Variants in PRKG1 observed in about 807,000 individuals in gnomAD.
PRKG1 encodes protein kinase cGMP-dependent 1.
A neutral mutation model predicts 88.1 loss-of-function variants in PRKG1; 35 were observed. The ratio of observed to expected loss-of-function variants is 0.40; its 90% CI spans 0.30 to 0.53. The LOEUF is 0.53. Among genes scored for constraint, PRKG1 ranks in the 20% least tolerant of loss-of-function variants. The pLI, the probability that PRKG1 is intolerant of heterozygous loss-of-function variation, is 0.59. For missense variants in PRKG1, 540 were observed against 839.8 expected (o/e 0.64, Z 4.41); for synonymous variants, 303 against 292.5 (o/e 1.04, Z -0.37).
Position 51,082,509 on chromosome 10 carries a change from T to C in PRKG1, c.311+7608T>C, listed in dbSNP as rs567381852. ...GGTGTTGGAAGCTACATATCAGTAA[T>C]TTTTGATGATTCTCCATGTAACTTT... On this transcript the variant is annotated intron_variant, in intron 1 of 17. Coordinates refer to ENST00000373980, the MANE Select transcript of PRKG1 (RefSeq NM_006258.4). Among the ~76,000 whole-genome samples, 14 of 152,318 alleles carry C rather than the reference T, an allele frequency of 9.2e-5. No homozygotes were observed. The East Asian group carries it at 2.5e-3, about 27-fold the overall frequency.
chr10:51,297,978 T>TA (rs1840766516), intron 2 of PRKG1, among the ~76,000 whole-genome samples: 1 of 152,118 alleles, frequency 6.6e-6, no homozygotes. Context: ...TATATTTATA[T>TA]AAAGAGATGT....
At chr10:51,607,090 C>T (rs980273835) in intron 3 of PRKG1, among the ~76,000 whole-genome samples, 3 of 152,158 alleles carry the variant, frequency 2.0e-5, no homozygotes, top group Admixed American at 1.3e-4. Flanking sequence ...GATCTGAAAC[C>T]AATTTTGCCA....
At chr10:52,061,853 G>C (rs1420856384) in intron 6 of PRKG1, among the ~76,000 whole-genome samples, 1 of 152,096 alleles carries the variant, frequency 6.6e-6, no homozygotes, top group African/African-American at 2.4e-5. Context: ...AAAATGAGAT[G>C]TGTCTTCAAA....
intron 2 of PRKG1, among the ~76,000 whole-genome samples, chr10:51,335,948 A>T (rs1381760363): frequency 6.6e-6 from 1 of 152,216 alleles, no homozygotes; most frequent in African/African-American, 2.4e-5. Context: ...TACAGAAATC[A>T]TGGTTATAAA....
chr10:51,431,304 C>T (rs1838764393), intron 2 of PRKG1, among the ~76,000 whole-genome samples: 1 of 152,160 alleles, frequency 6.6e-6, no homozygotes, highest in Admixed American at 6.5e-5. Context: ...GAAAGAGGCA[C>T]ACCACACCAT....
At chr10:52,130,545 G>T (rs1412101782) in intron 7 of PRKG1, among the ~76,000 whole-genome samples, 1 of 152,068 alleles carries the variant, frequency 6.6e-6, no homozygotes, top group Non-Finnish European at 1.5e-5. Flanking sequence ...TAGTCAAATG[G>T]AAATATATTT....
chr10:51,155,395 C>A (rs1044322273), intron 2 of PRKG1, among the ~76,000 whole-genome samples: 5 of 151,946 alleles, frequency 3.3e-5, no homozygotes, highest in African/African-American at 2.4e-5. Context: ...TTTATTTAAA[C>A]CTCAAACAAT....
At chr10:51,706,454 T>C (rs1841605990) in intron 3 of PRKG1, among the ~76,000 whole-genome samples, 1 of 152,166 alleles carries the variant, frequency 6.6e-6, no homozygotes, top group Non-Finnish European at 1.5e-5. Flanking sequence ...CTGCCATTTC[T>C]GGACTTGAGG....
intron 2 of PRKG1, among the ~76,000 whole-genome samples, chr10:51,215,558 G>A (rs1838350310): frequency 6.6e-6 from 1 of 152,140 alleles, no homozygotes; most frequent in Non-Finnish European, 1.5e-5. Context: ...TTTTTGCAGG[G>A]GGCATGGAGG....
chr10:51,523,290 C>T (rs1466631068), intron 3 of PRKG1, among the ~76,000 whole-genome samples: 1 of 152,176 alleles, frequency 6.6e-6, no homozygotes, highest in Non-Finnish European at 1.5e-5. Flanking sequence ...ACCTCAATCT[C>T]TGTGAGTCCA....
chr10:51,932,673 G>A (rs868611624), intron 5 of PRKG1, among the ~76,000 whole-genome samples: 3 of 152,154 alleles, frequency 2.0e-5, no homozygotes, highest in African/African-American at 4.8e-5. Flanking sequence ...ACTGTGACAG[G>A]ACATTTGGCC....
At chr10:51,219,480 C>T (rs900111164) in intron 2 of PRKG1, among the ~76,000 whole-genome samples, 4 of 151,822 alleles carry the variant, frequency 2.6e-5, no homozygotes, top group Non-Finnish European at 5.9e-5. Flanking sequence ...GAGGCTGTGG[C>T]GGGTGGATCA....
chr10:51,266,978 G>A (rs1039479125), intron 2 of PRKG1, among the ~76,000 whole-genome samples: 6 of 152,048 alleles, frequency 3.9e-5, no homozygotes, highest in Admixed American at 1.3e-4. Context: ...TCTTAGGAGC[G>A]ACATTTAAAT....
At chr10:52,018,733 A>G (rs771515311) in intron 5 of PRKG1, among the ~76,000 whole-genome samples, 1 of 152,212 alleles carries the variant, frequency 6.6e-6, no homozygotes, top group Non-Finnish European at 1.5e-5. Context: ...AGAGGACTTT[A>G]ATTCAAGACC....
intron 1 of PRKG1, among the ~76,000 whole-genome samples, chr10:51,096,901 A>G (rs972591592): frequency 2.0e-5 from 3 of 152,178 alleles, no homozygotes; most frequent in Non-Finnish European, 4.4e-5. Flanking sequence ...GATGCCAGGG[A>G]TGCTGCTATG....
intron 1 of PRKG1, among the ~76,000 whole-genome samples, chr10:51,049,988 GT>G (rs1843541515): frequency 6.6e-6 from 1 of 152,056 alleles, no homozygotes; most frequent in Non-Finnish European, 1.5e-5. Flanking sequence ...GGAAACTCCA[GT>G]TTCCTTGCTT....
intron 7 of PRKG1, among the ~76,000 whole-genome samples, chr10:52,131,503 A>G (rs1312795809): frequency 6.6e-6 from 1 of 151,982 alleles, no homozygotes; most frequent in Non-Finnish European, 1.5e-5. Context: ...TCCTAGGCCT[A>G]TGGAAAGCAT....
chr10:51,327,108 G>T (rs533677163), intron 2 of PRKG1, among the ~76,000 whole-genome samples: 1 of 152,174 alleles, frequency 6.6e-6, no homozygotes, highest in South Asian at 2.1e-4. Flanking sequence ...GTGGTTAATT[G>T]TCAGGTTAAA....
chr10:51,154,113 C>T (rs1417206779), intron 2 of PRKG1, among the ~76,000 whole-genome samples: 2 of 151,836 alleles, frequency 1.3e-5, no homozygotes, highest in East Asian at 3.9e-4. Flanking sequence ...ATGTTTTATC[C>T]AAAACATTTG....
Sources: gnomAD v4.1 joint callset for allele counts (sites outside exome capture counted in the v4.1 genomes callset) on GRCh38, gnomAD v4.1.1 for gene constraint, MANE v1.5 for transcripts, NCBI Gene and HGNC (gene_info 2026-07-23, HGNC 2026-07-21) for gene names.